CAST: variants seen among roughly 807,000 people sequenced by gnomAD.
CAST encodes the protein MIR583 host.
In CAST, 76 loss-of-function variants were observed where a neutral mutation model predicts 119.6. That is an observed-to-expected ratio of 0.64 (90% CI 0.53 to 0.77). The LOEUF (loss-of-function observed/expected upper bound fraction) is 0.77. CAST is among the 30% of genes least tolerant of loss of function. The pLI is 0.00. For missense variants in CAST, 953 were observed against 946.5 expected (o/e 1.01, Z -0.09); for synonymous variants, 319 against 331.6 (o/e 0.96, Z 0.41).
At chr5:96,763,211 CGT>C in intron 25 of CAST, 1 of 780,732 alleles carries the variant, frequency 1.3e-6, no homozygotes, top group Non-Finnish European at 2.4e-6. Context: ...CATCCTGTTG[CGT>C]CAGCTTCAGG....
chr5:96,300,083 T>G, the CAST span, among the ~76,000 whole-genome samples: 2 of 152,162 alleles, frequency 1.3e-5, no homozygotes, highest in Admixed American at 1.3e-4. Context: ...TTGTTTCCTC[T>G]GTTGTGCAGA....
At chr5:96,597,216 C>T (rs1032954436) in intron 1 of CAST, among the ~76,000 whole-genome samples, 1 of 152,140 alleles carries the variant, frequency 6.6e-6, no homozygotes, top group Non-Finnish European at 1.5e-5. Context: ...TGCAAAACAT[C>T]TTTTAATTTT....
chr5:96,476,297 A>G, the CAST span, among the ~76,000 whole-genome samples: 2 of 152,206 alleles, frequency 1.3e-5, no homozygotes, highest in African/African-American at 4.8e-5. Context: ...TTCATATTTA[A>G]GACTTTATTT....
chr5:96,560,705 G>A (rs1396653355), intron 1 of CAST, among the ~76,000 whole-genome samples: 1 of 151,894 alleles, frequency 6.6e-6, no homozygotes, highest in Non-Finnish European at 1.5e-5. Flanking sequence ...GGAAACAACA[G>A]GTGCTGGAGA....
the CAST span, among the ~76,000 whole-genome samples, chr5:96,367,415 A>T: frequency 2.0e-5 from 3 of 152,092 alleles, no homozygotes; most frequent in East Asian, 1.9e-4. Context: ...ATGCCCTGCC[A>T]CCAGAGGTGG....
the CAST span, among the ~76,000 whole-genome samples, chr5:96,354,640 A>G: frequency 0.36 from 54,118 of 150,258 alleles, 9,980 homozygotes; most frequent in Admixed American, 0.44. Context: ...CTGTATGTAT[A>G]TTTACACATG....
the CAST span, chr5:95,973,022 C>T: frequency 2.6e-5 from 4 of 152,302 alleles, no homozygotes; most frequent in African/African-American, 4.8e-5. Flanking sequence ...AATTACTTTC[C>T]AAAGTGATGA....
the CAST span, among the ~76,000 whole-genome samples, chr5:96,227,698 CTTTT>C: frequency 6.6e-6 from 1 of 152,088 alleles, no homozygotes; most frequent in Non-Finnish European, 1.5e-5. Flanking sequence ...TTTTTTGTTA[CTTTT>C]TATTTTCAAA....
chr5:96,195,199 T>A, the CAST span, among the ~76,000 whole-genome samples: 1 of 152,174 alleles, frequency 6.6e-6, no homozygotes, highest in Non-Finnish European at 1.5e-5. Flanking sequence ...ACTAGAGATG[T>A]GATTACCCTC....
chr5:96,197,881 C>T, the CAST span, among the ~76,000 whole-genome samples: 1 of 152,168 alleles, frequency 6.6e-6, no homozygotes, highest in South Asian at 2.1e-4. Context: ...ATCTCAGCCT[C>T]TCAAGTAGCT....
the CAST span, among the ~76,000 whole-genome samples, chr5:96,298,024 C>T: frequency 6.6e-6 from 1 of 152,196 alleles, no homozygotes; most frequent in African/African-American, 2.4e-5. Context: ...TCCAGTCTTA[C>T]CACATATACA....
the CAST span, among the ~76,000 whole-genome samples, chr5:96,104,387 A>C: frequency 9.6e-4 from 146 of 152,306 alleles, no homozygotes; most frequent in African/African-American, 3.2e-3. Flanking sequence ...TTAAGTATTT[A>C]ATCCATCTTG....
At chr5:96,733,794 T>G (rs1340822961) in intron 9 of CAST, among the ~76,000 whole-genome samples, 1 of 152,176 alleles carries the variant, frequency 6.6e-6, no homozygotes, top group African/African-American at 2.4e-5. Context: ...GGAGAATTGC[T>G]TGAACCCGGG....
chr5:96,460,710 T>C, the CAST span, among the ~76,000 whole-genome samples: 1 of 152,120 alleles, frequency 6.6e-6, no homozygotes. Context: ...AGCTGCATAT[T>C]TACAGTAAAA....
chr5:96,169,902 C>T, the CAST span, among the ~76,000 whole-genome samples: 1 of 152,022 alleles, frequency 6.6e-6, no homozygotes, highest in African/African-American at 2.4e-5. Context: ...AAAAGGAGTG[C>T]TTAAAAGAGT....
the CAST span, among the ~76,000 whole-genome samples, chr5:96,330,085 G>C: frequency 2.0e-5 from 3 of 152,186 alleles, no homozygotes; most frequent in African/African-American, 4.8e-5. Flanking sequence ...AGAACAATGA[G>C]TCAGGAACAC....
intron 1 of CAST, among the ~76,000 whole-genome samples, chr5:96,576,580 A>G (rs1176015006): frequency 6.6e-6 from 1 of 152,098 alleles, no homozygotes. Flanking sequence ...TCTGGCCTCA[A>G]GTGATCCACT....
At chr5:96,332,166 AAAAC>A in the CAST span, among the ~76,000 whole-genome samples, 1 of 152,192 alleles carries the variant, frequency 6.6e-6, no homozygotes, top group Admixed American at 6.5e-5. Context: ...TTCTTCTCCC[AAAAC>A]AAACAAAACA....
intron 1 of CAST, among the ~76,000 whole-genome samples, chr5:96,647,863 C>T (rs539492793): frequency 6.6e-6 from 1 of 152,198 alleles, no homozygotes; most frequent in Admixed American, 6.5e-5. Context: ...TTCTAAGCCA[C>T]CTAGTTTGAA....
Sources: allele counts gnomAD v4.1 joint callset (sites outside exome capture counted in the v4.1 genomes callset), GRCh38; gene constraint gnomAD v4.1.1; transcripts MANE v1.5; gene names NCBI Gene and HGNC (gene_info 2026-07-23, HGNC 2026-07-21).